The following DONSON variants were observed in gnomAD, a reference collection of about 807,000 sequenced individuals.
The protein encoded by DONSON is DNA replication fork stabilization factor DONSON, also known as protein downstream neighbor of Son.
A neutral mutation model predicts 62.1 loss-of-function variants in DONSON; 43 were observed. The observed-to-expected ratio is 0.69, with a 90% CI of 0.54 to 0.89. The LOEUF is 0.89. Among genes scored for constraint, DONSON ranks in the 40% least tolerant of loss-of-function variants. DONSON has a pLI of 0.00. For synonymous variants in DONSON, 266 were observed against 264.6 expected, an observed-to-expected ratio of 1.01 and a Z score of -0.05; for missense variants, 696 against 697.5, an observed-to-expected ratio of 1.00 and a Z score of 0.03.
chr21:33,584,484 C>G (rs928798694), intron 4 of DONSON, 106 bp downstream of exon 4: 2 of 1,097,044 alleles, frequency 1.8e-6, no homozygotes, highest in Non-Finnish European at 2.5e-6. Context: ...TCACAAGGAT[C>G]TAGATACCCT....
At chr21:33,587,440 T>C (rs2086589855) in intron 2 of DONSON, 82 bp downstream of exon 2, 5 of 1,464,628 alleles carry the variant, frequency 3.4e-6, no homozygotes, top group Non-Finnish European at 3.6e-6. Flanking sequence ...GAAGTATAAA[T>C]GTATTTTTAA....
intron 4 of DONSON, 89 bp from the exon 5 acceptor site, chr21:33,583,755 A>G (rs2086544665): frequency 9.8e-7 from 1 of 1,017,554 alleles, no homozygotes; most frequent in African/African-American, 1.6e-5. Context: ...TACCTGGTTT[A>G]AAACACAACA....
At chr21:33,581,045 C>A in intron 8 of DONSON, 1 of 328,456 alleles carries the variant, frequency 3.0e-6, no homozygotes, top group Non-Finnish European at 5.7e-6. Flanking sequence ...CGCCACTGCA[C>A]TCCATTCAGC....
Position 33,578,041 on chromosome 21 carries a change from C to T in DONSON, c.*266G>A, listed in dbSNP as rs2086456126. Reference sequence around the variant, plus strand: ...TAACTGCTATGTGATTTCCCATTTGCAAGGAAGCATATTAATTCAGTTTCT... The same window carrying T: ...TAACTGCTATGTGATTTCCCATTTGTAAGGAAGCATATTAATTCAGTTTCT... On this transcript the variant is annotated 3_prime_UTR_variant, in exon 10 of 10. Transcript: ENST00000303071. 1 of 271,252 alleles carries T rather than the reference C, an allele frequency of 3.7e-6. No homozygotes were observed. Among genetic ancestry groups the T allele is most frequent in the Non-Finnish European group, 6.9e-6 (1 of 145,838 alleles). The allele number at this position is 271,252 out of a possible 1,614,324, so 16.8% of individuals were successfully genotyped here. A position where few individuals can be genotyped will look rare whatever the true frequency, so the allele number is the denominator to read the frequency against.
chr21:33,582,144 A>G lies in DONSON; in HGVS notation c.1046+21T>C, dbSNP rs371275940. ...GAGTCCATAAGTCAGTGGATGATAT[A>G]AAGTTATTTTAATCACATACTCCCC... On this transcript the variant is annotated intron_variant, in intron 6 of 9. Transcript: ENST00000303071. 1.9e-6 allele frequency: 3 copies of G among 1,612,858 alleles called. No individual in the cohort carries two copies. In the African/African-American group the frequency reaches 4.0e-5, roughly 22 times the overall value.
Position 33,578,714 on chromosome 21 carries a change from G to A in DONSON, c.1564-270C>T, listed in dbSNP as rs78689943. Among the ~76,000 whole-genome samples the A allele has an allele frequency of 3.9e-5, 6 of 152,264 alleles. No homozygotes were observed. In the East Asian group the frequency reaches 5.8e-4, roughly 15 times the overall value. Reference sequence around the variant, plus strand: ...ATGTTCAAAATTAAAGGCAAATATGGTTAAATACCCACAGTGAATTGTTTC... The same window carrying A: ...ATGTTCAAAATTAAAGGCAAATATGATTAAATACCCACAGTGAATTGTTTC... On this transcript the variant is annotated intron_variant, in intron 9 of 9. Coordinates refer to ENST00000303071, the MANE Select transcript of DONSON (RefSeq NM_017613.4).
At chr21:33,587,275 C>T (rs549032270) in intron 2 of DONSON, 2 of 790,696 alleles carry the variant, frequency 2.5e-6, no homozygotes, top group Non-Finnish European at 3.1e-6. Context: ...AGAAAACCCC[C>T]ACGTCTATCA....
Position 33,588,456 on chromosome 21 carries a change from C to T in DONSON, c.186G>A (p.Gly62=), listed in dbSNP as rs2086607936. ...CGCCGCCGCTGCCACCGCCTCTGCC[C>T]CCCGCAGCAGGGAAAGGGCGAAGAG... ...GLPLRPFPAA[G]GRGGGSGGGP... The change falls in exon 1 of 10, where the codon GGG becomes GGA. Residue 62 remains glycine, a synonymous_variant. Transcript: ENST00000303071. The T allele has an allele frequency of 7.7e-7, 1 of 1,304,850 alleles. No homozygotes were observed. The highest frequency in any genetic ancestry group is 9.7e-7 in the Non-Finnish European group (1 of 1,027,784). 80.8% of individuals were successfully genotyped at this position (1,304,850 alleles called of 1,614,324 possible).
chr21:33,584,259 G>A (rs926419314), intron 4 of DONSON, among the ~76,000 whole-genome samples: 5 of 151,156 alleles, frequency 3.3e-5, no homozygotes, highest in African/African-American at 9.7e-5. Flanking sequence ...TGTTAGCCAG[G>A]ATGGTCTCAA....
rs781541441 is a variant in DONSON, at chr21:33,588,354, C to A, written c.288G>T (p.Gly96=). 51 of 1,292,656 alleles carry A rather than the reference C, an allele frequency of 3.9e-5. No individual in the cohort carries two copies. Among genetic ancestry groups the A allele is most frequent in the Non-Finnish European group, 4.6e-5 (47 of 1,024,688 alleles). 80.1% of individuals were successfully genotyped at this position (1,292,656 alleles called of 1,614,324 possible). The change falls in exon 1 of 10, where the codon GGG becomes GGT. Residue 96 remains glycine (G), a synonymous_variant. Coordinates refer to ENST00000303071, the MANE Select transcript of DONSON (RefSeq NM_017613.4). ...GGGCCTCCGGCTGCTCGCGGGCCGGCCCGTCGGGGGGCTCCGCGGCGACCC... is the reference window on the plus strand; with the variant it reads ...GGGCCTCCGGCTGCTCGCGGGCCGGACCGTCGGGGGGCTCCGCGGCGACCC... ...RPRVAAEPPD[G]PAREQPEAPV...
At chr21:33,579,815 A>G (rs555796514) in intron 8 of DONSON, among the ~76,000 whole-genome samples, 1 of 152,340 alleles carries the variant, frequency 6.6e-6, no homozygotes, top group South Asian at 2.1e-4. Context: ...ATAGTATTTT[A>G]TCTGATTTAG....
In DONSON at chr21:33,588,448, C is replaced by A; in HGVS notation, c.194G>T (p.Gly65Val). The A allele has an allele frequency of 5.4e-6, 7 of 1,307,810 alleles. No individual in the cohort carries two copies. The highest frequency in any genetic ancestry group is 6.8e-6 in the Non-Finnish European group (7 of 1,029,204). The allele number at this position is 1,307,810 out of a possible 1,614,324, so 81.0% of individuals were successfully genotyped here. A position where few individuals can be genotyped will look rare whatever the true frequency, so the allele number is the denominator to read the frequency against. ...GGCCGGGCCGCCGCCGCTGCCACCG[C>A]CTCTGCCCCCCGCAGCAGGGAAAGG... The part of the protein sequence containing the change: ...LRPFPAAGGR[G>V]GGSGGGPAAA... Residue 65 changes from glycine to valine, a missense_variant, in exon 1 of 10, where the codon GGC becomes GTC. Gly to Val is a moderately radical substitution (Grantham distance 109). Transcript: ENST00000303071.
chr21:33,578,574 T>C, intron 9 of DONSON, 130 bp from the exon 10 acceptor site: 2 of 1,057,780 alleles, frequency 1.9e-6, no homozygotes, highest in Non-Finnish European at 2.6e-6. Context: ...TAGAAGTTGA[T>C]GCTAAGAATT....
chr21:33,579,457 T>C lies in DONSON; in HGVS notation c.1456A>G (p.Met486Val), dbSNP rs780104963. The C allele has an allele frequency of 4.6e-5, 75 of 1,614,090 alleles. No individual in the cohort carries two copies. Among genetic ancestry groups the C allele is most frequent in the Non-Finnish European group, 6.2e-5 (73 of 1,180,046 alleles). Residue 486 changes from methionine to valine, a missense_variant, in exon 9 of 10, where the codon ATG becomes GTG. Coordinates refer to ENST00000303071, the MANE Select transcript of DONSON (RefSeq NM_017613.4). ...IMPHSLHSLT[M>V]LLKSSQSGSF... Reference sequence around the variant, plus strand: ...CCACTCTGTGAAGATTTGAGCAGCATGGTCAGTGAATGCAGAGAATGAGGC... The same window carrying C: ...CCACTCTGTGAAGATTTGAGCAGCACGGTCAGTGAATGCAGAGAATGAGGC...
Position 33,587,553 on chromosome 21 carries a change from G to A in DONSON, c.371C>T (p.Pro124Leu), listed in dbSNP as rs1307739992. 1.3e-6 allele frequency: 2 copies of A among 1,599,944 alleles called. No individual in the cohort carries two copies. The highest frequency in any genetic ancestry group is 3.6e-5 in the Admixed American group (2 of 55,994). The change falls in exon 2 of 10, where the codon CCT becomes CTT. Residue 124 changes from proline (P) to leucine (L), a missense_variant. Coordinates refer to ENST00000303071, the MANE Select transcript of DONSON (RefSeq NM_017613.4). The stretch of plus-strand genomic sequence containing the variant: ...TAATTCAGTAACAGTTGTTCTTTCA[G>A]GAAACTTCTCTTCCCATAGCAAATC... ...ENDLLWEEKF[P>L]ERTTVTELPQ...
intron 7 of DONSON, 139 bp from the exon 8 acceptor site, chr21:33,581,639 A>G: frequency 2.7e-6 from 2 of 749,750 alleles, no homozygotes; most frequent in South Asian, 1.9e-5. Flanking sequence ...TTACCGAATC[A>G]TAAGGCATAT....
At chr21:33,584,514 G>C in intron 4 of DONSON, 76 bp downstream of exon 4, 1 of 1,388,538 alleles carries the variant, frequency 7.2e-7, no homozygotes, top group Non-Finnish European at 9.7e-7. Flanking sequence ...AACGTATCCA[G>C]TCACAAATAT....
rs2086557121 is a variant in DONSON at position 33,584,578 on chromosome 21, T to C, written c.785+12A>G. The stretch of plus-strand genomic sequence containing the variant: ...ACTATTGAATTATACAAGTTTCTCT[T>C]ACTAATCTTACCAGTCACTCATTAA... On this transcript the variant is annotated intron_variant, in intron 4 of 9. Transcript: ENST00000303071. 6.3e-7 allele frequency: 1 copy of C among 1,577,586 alleles called. No homozygotes were observed.
Position 33,578,448 on chromosome 21 carries a change from T to G in DONSON, c.1564-4A>C. 1 of 1,612,666 alleles carries G rather than the reference T, an allele frequency of 6.2e-7. No individual in the cohort carries two copies. Among genetic ancestry groups the G allele is most frequent in the Non-Finnish European group, 8.5e-7 (1 of 1,179,280 alleles). The stretch of plus-strand genomic sequence containing the variant: ...TAAGCTCCTTATGAACAACCTCCTG[T>G]GGAAATGTGTGTACAAGTCAGTAAA... On this transcript the variant is annotated splice_polypyrimidine_tract_variant and splice_region_variant and intron_variant, in intron 9 of 9. Coordinates refer to ENST00000303071, the MANE Select transcript of DONSON (RefSeq NM_017613.4).
Sources: gnomAD v4.1 joint callset for allele counts (sites outside exome capture counted in the v4.1 genomes callset) on GRCh38, gnomAD v4.1.1 for gene constraint, MANE v1.5 for transcripts, NCBI Gene and HGNC (gene_info 2026-07-23, HGNC 2026-07-21) for gene names.